Variants in TIMM17A observed in about 807,000 individuals in gnomAD.
TIMM17A encodes the protein translocase of inner mitochondrial membrane 17A, also known as mitochondrial import inner membrane translocase subunit Tim17-A.
A neutral mutation model predicts 26.5 loss-of-function variants in TIMM17A; 15 were observed. The ratio of observed to expected loss-of-function variants is 0.57; its 90% CI spans 0.38 to 0.87. The LOEUF (loss-of-function observed/expected upper bound fraction) is 0.87, where lower values mean the gene tolerates loss of function less well. Among genes scored for constraint, TIMM17A ranks in the 40% least tolerant of loss-of-function variants. TIMM17A has a pLI of 0.00. For missense variants in TIMM17A, 201 were observed against 210.0 expected, an observed-to-expected ratio of 0.96 and a Z score of 0.27; for synonymous variants, 80 against 70.8, an observed-to-expected ratio of 1.13 and a Z score of -0.66.
rs1238779395 is a variant in TIMM17A at position 201,956,092 on chromosome 1, GC to G, written c.26+542del. Among the ~76,000 whole-genome samples the G allele has an allele frequency of 2.0e-5, 3 of 152,288 alleles. No individual in the cohort carries two copies. In the East Asian group the frequency reaches 5.8e-4, roughly 29 times the overall value. ...TGGATAAGCTTCTTTATTGCGTGGG[GC>G]CTTGTTTTCCTTCTTGGAATTCTTT... On this transcript the variant is annotated intron_variant, in intron 1 of 5. Transcript: ENST00000367287.
chr1:201,958,452 C>T (rs1465984229), intron 3 of TIMM17A, among the ~76,000 whole-genome samples: 1 of 152,262 alleles, frequency 6.6e-6, no homozygotes, highest in Non-Finnish European at 1.5e-5. Flanking sequence ...CCAATAATCC[C>T]AGCAGTTTGG....
chr1:201,956,507 C>G (rs1682411727), intron 1 of TIMM17A, among the ~76,000 whole-genome samples: 1 of 152,198 alleles, frequency 6.6e-6, no homozygotes, highest in Admixed American at 6.5e-5. Flanking sequence ...GTTTTAGGGT[C>G]TCCTGGCTCT....
intron 4 of TIMM17A, among the ~76,000 whole-genome samples, chr1:201,964,046 G>T (rs887945228): frequency 6.6e-6 from 1 of 151,974 alleles, no homozygotes; most frequent in Non-Finnish European, 1.5e-5. Flanking sequence ...TTGAGCCACC[G>T]CACTCTCACC....
In TIMM17A at chr1:201,966,873, T is replaced by TTATA. The variant is rs113486134; in HGVS notation, c.430+1336_430+1339dup. Among the ~76,000 whole-genome samples the TTATA allele has an allele frequency of 3.5e-4, 51 of 146,692 alleles. No homozygotes were observed. The East Asian group carries it at 9.6e-3, about 28-fold the overall frequency. The stretch of plus-strand genomic sequence containing the variant: ...TATATATATATATAACATATATATG[T>TTATA]TATATATATGCTATATATGTTATAT... On this transcript the variant is annotated intron_variant, in intron 5 of 5. Coordinates refer to ENST00000367287, the MANE Select transcript of TIMM17A (RefSeq NM_006335.3).
At chr1:201,957,657 A>G (rs1558249274) in intron 3 of TIMM17A, 83 bp downstream of exon 3, 2 of 1,185,398 alleles carry the variant, frequency 1.7e-6, no homozygotes, top group Non-Finnish European at 2.5e-6. Flanking sequence ...GATTACAACA[A>G]TTAGTGATTT....
At chr1:201,955,639 C>T (rs959575930) in intron 1 of TIMM17A, 87 bp downstream of exon 1, 9 of 1,575,750 alleles carry the variant, frequency 5.7e-6, no homozygotes, top group Non-Finnish European at 7.0e-6. Flanking sequence ...AGGTGCAAGC[C>T]AGACTCAACC....
In TIMM17A at chr1:201,963,716, C is replaced by A; in HGVS notation, c.291C>A (p.Ala97=). 6.2e-7 allele frequency: 1 copy of A among 1,610,456 alleles called. No homozygotes were observed. The highest frequency in any genetic ancestry group is 8.5e-7 in the Non-Finnish European group (1 of 1,179,114). ...EDPWNSITSG[A]LTGAILAARN... ...CCTGGAACTCCATCACAAGTGGTGC[C>A]TTAACGGGAGCCATACTGGCAGCAA... is the stretch of plus-strand genomic sequence containing the variant. Residue 97 remains alanine, a synonymous_variant, in exon 4 of 6, where the codon GCC becomes GCA. Coordinates refer to ENST00000367287, the MANE Select transcript of TIMM17A (RefSeq NM_006335.3).
At chr1:201,963,497 A>G (rs889123772) in intron 3 of TIMM17A, 119 bp from the exon 4 acceptor site, 6 of 959,770 alleles carry the variant, frequency 6.3e-6, no homozygotes, top group African/African-American at 1.7e-5. Flanking sequence ...TTGTGTTTGC[A>G]TGTATTTGTT....
chr1:201,960,765 CT>C (rs777087957), intron 3 of TIMM17A, among the ~76,000 whole-genome samples: 2,449 of 145,770 alleles, frequency 0.017, 23 homozygotes, highest in Non-Finnish European at 0.026. Context: ...TATTTTCTTT[CT>C]TTTTTTTTTT....
At chr1:201,968,111 C>G (rs1682668922) in intron 5 of TIMM17A, among the ~76,000 whole-genome samples, 1 of 152,280 alleles carries the variant, frequency 6.6e-6, no homozygotes, top group Non-Finnish European at 1.5e-5. Context: ...ATTCTTCTGT[C>G]TCAGCCTCCT....
intron 3 of TIMM17A, 25 bp from the exon 4 acceptor site, chr1:201,963,591 C>CT: frequency 6.3e-7 from 1 of 1,587,898 alleles, no homozygotes; most frequent in Non-Finnish European, 8.5e-7. Context: ...TTAGTATTTG[C>CT]TTGTTTCTTT....
chr1:201,970,646 AAAT>A lies in TIMM17A; in HGVS notation c.*1097_*1099del, dbSNP rs1479605296. The A allele has an allele frequency of 1.2e-3, 179 of 152,366 alleles. No homozygotes were observed. The highest frequency in any genetic ancestry group is 3.8e-3 in the African/African-American group (157 of 41,588). The allele number at this position is 152,366 out of a possible 1,614,324, so 9.4% of individuals were successfully genotyped here. On this transcript the variant is annotated 3_prime_UTR_variant, in exon 6 of 6. Coordinates refer to ENST00000367287, the MANE Select transcript of TIMM17A (RefSeq NM_006335.3). Reference sequence around the variant, plus strand: ...TTTCGACTGTGGTAAAATATACATAAAATAATACTTATTAACCATTTGTAAGTG... The same window carrying A: ...TTTCGACTGTGGTAAAATATACATAAAATACTTATTAACCATTTGTAAGTG...
rs760961559 is a variant in TIMM17A at position 201,955,511 on chromosome 1, C to G, written c.-16C>G. ...CGCCCAGCTTGCCCGGCATCACTCG[C>G]GGCATTGGAGTCAAGATGGAGGAGT... On this transcript the variant is annotated 5_prime_UTR_variant, in exon 1 of 6. Coordinates refer to ENST00000367287, the MANE Select transcript of TIMM17A (RefSeq NM_006335.3). The G allele has an allele frequency of 6.2e-7, 1 of 1,614,104 alleles. No individual in the cohort carries two copies.
chr1:201,963,623 T>TG lies in TIMM17A; in HGVS notation c.199dup (p.Ala67GlyfsTer11). On this transcript the variant is annotated frameshift_variant, in exon 4 of 6. Coordinates refer to ENST00000367287, the MANE Select transcript of TIMM17A (RefSeq NM_006335.3). LOFTEE classifies it high-confidence loss of function. ...CTTTTTACAATAAAATAGGTAGCTT[T>TG]GCAGTTTGGGGAGGGCTGTTTTCCA... 6.2e-7 allele frequency: 1 copy of TG among 1,600,484 alleles called. No individual in the cohort carries two copies. The highest frequency in any genetic ancestry group is 2.2e-5 in the East Asian group (1 of 44,668).
chr1:201,957,800 A>T (rs1571602766), intron 3 of TIMM17A: 2 of 317,290 alleles, frequency 6.3e-6, no homozygotes, highest in South Asian at 5.1e-5. Flanking sequence ...ACACTCGGTG[A>T]TTTTTTTTTT....
At chr1:201,957,760 C>A in intron 3 of TIMM17A, 186 bp downstream of exon 3, 1 of 533,220 alleles carries the variant, frequency 1.9e-6, no homozygotes. Flanking sequence ...ATTATGATAC[C>A]CATTTGAAAA....
At chr1:201,968,269 G>A (rs935014364) in intron 5 of TIMM17A, among the ~76,000 whole-genome samples, 3 of 151,962 alleles carry the variant, frequency 2.0e-5, no homozygotes, top group African/African-American at 4.8e-5. Context: ...CCAAAGTGCT[G>A]GGAATGTGAG....
At chr1:201,962,833 C>T (rs956947015) in intron 3 of TIMM17A, 3 of 152,198 alleles carry the variant, frequency 2.0e-5, no homozygotes, top group Admixed American at 2.0e-4. Flanking sequence ...GTAATACGTT[C>T]CAGAATAGCT....
At chr1:201,957,200 T>C in intron 1 of TIMM17A, 81 bp from the exon 2 acceptor site, 1 of 909,328 alleles carries the variant, frequency 1.1e-6, no homozygotes, top group Non-Finnish European at 1.8e-6. Flanking sequence ...TCTGTTCCAT[T>C]ATAATCCTTA....
Sources: gnomAD v4.1 joint callset for allele counts (sites outside exome capture counted in the v4.1 genomes callset) on GRCh38, gnomAD v4.1.1 for gene constraint, MANE v1.5 for transcripts, NCBI Gene and HGNC (gene_info 2026-07-23, HGNC 2026-07-21) for gene names.